Variants in PAPPA2 observed in about 807,000 individuals in gnomAD.
The protein encoded by PAPPA2 is pappalysin 2, also known as pappalysin-2.
A neutral mutation model predicts 176.4 loss-of-function variants in PAPPA2; 86 were observed. That is an observed-to-expected ratio of 0.49 (90% confidence interval 0.41 to 0.58). The LOEUF (loss-of-function observed/expected upper bound fraction) is 0.58. Ranked by LOEUF, PAPPA2 falls within the 20% of genes least tolerant of loss-of-function variation. PAPPA2 has a pLI of 0.00. For synonymous variants in PAPPA2, 809 were observed against 852.2 expected (o/e 0.95, Z 0.88); for missense variants, 2,073 against 2,256.9 (o/e 0.92, Z 1.65).
intron 22 of PAPPA2, among the ~76,000 whole-genome samples, chr1:176,840,928 T>C (rs1338202006): frequency 1.3e-5 from 2 of 152,234 alleles, no homozygotes; most frequent in Admixed American, 6.5e-5. Flanking sequence ...AAGCAAGAGA[T>C]GTTATTTCCT....
At chr1:176,639,059 T>TA (rs924961454) in intron 3 of PAPPA2, among the ~76,000 whole-genome samples, 4 of 151,450 alleles carry the variant, frequency 2.6e-5, no homozygotes, top group Non-Finnish European at 5.9e-5. Flanking sequence ...CTGACTTTTT[T>TA]AAAAAAAATA....
intron 3 of PAPPA2, among the ~76,000 whole-genome samples, chr1:176,603,207 G>A (rs770958604): frequency 6.6e-6 from 1 of 152,162 alleles, no homozygotes; most frequent in Non-Finnish European, 1.5e-5. Context: ...GCTATCCCTG[G>A]GGCCTTGGCC....
chr1:176,627,763 G>A (rs993915121), intron 3 of PAPPA2, among the ~76,000 whole-genome samples: 1 of 152,068 alleles, frequency 6.6e-6, no homozygotes, highest in Non-Finnish European at 1.5e-5. Context: ...GCTGTTTTTG[G>A]GTCAGAGCCT....
intron 21 of PAPPA2, among the ~76,000 whole-genome samples, chr1:176,837,673 A>G (rs1408573628): frequency 6.6e-6 from 1 of 152,212 alleles, no homozygotes; most frequent in Non-Finnish European, 1.5e-5. Context: ...ACGTTCACCT[A>G]TGTACACATT....
intron 20 of PAPPA2, among the ~76,000 whole-genome samples, chr1:176,798,438 G>T (rs1571343805): frequency 6.6e-6 from 1 of 152,088 alleles, no homozygotes; most frequent in Non-Finnish European, 1.5e-5. Flanking sequence ...GGGGAACTGG[G>T]GGTCCATAGT....
intron 14 of PAPPA2, among the ~76,000 whole-genome samples, chr1:176,746,664 A>T (rs1662924782): frequency 6.6e-6 from 1 of 152,230 alleles, no homozygotes; most frequent in Non-Finnish European, 1.5e-5. Context: ...ATACCTTATT[A>T]GTTTATTCAG....
chr1:176,657,420 T>G (rs945297886), intron 3 of PAPPA2, among the ~76,000 whole-genome samples: 1 of 151,966 alleles, frequency 6.6e-6, no homozygotes, highest in Non-Finnish European at 1.5e-5. Flanking sequence ...TTAGAGTTCC[T>G]TAAAGCAGAG....
intron 2 of PAPPA2, among the ~76,000 whole-genome samples, chr1:176,564,583 T>C (rs1033029748): frequency 5.3e-5 from 8 of 152,208 alleles, no homozygotes; most frequent in Admixed American, 5.2e-4. Flanking sequence ...ACAGAGAGAC[T>C]GTGGCACTAT....
chr1:176,501,430 C>T (rs924242663), intron 1 of PAPPA2, among the ~76,000 whole-genome samples: 9 of 152,056 alleles, frequency 5.9e-5, no homozygotes, highest in South Asian at 4.2e-4. Flanking sequence ...TCCCCATTTC[C>T]GTCCCTCAGG....
In PAPPA2 at chr1:176,659,655, T is replaced by G. The variant is rs561389686; in HGVS notation, c.1992-11315T>G. Among the ~76,000 whole-genome samples the G allele has an allele frequency of 2.2e-3, 338 of 152,256 alleles. 2 individuals are homozygous for G. Among genetic ancestry groups the G allele is most frequent in the African/African-American group, 7.6e-3 (318 of 41,570 alleles). ...ATTTAAAAAAGGATATACAGATACA[T>G]AAATCATTTGTATTAAGATAATCAT... On this transcript the variant is annotated intron_variant, in intron 3 of 22. Transcript: ENST00000367662.
intron 3 of PAPPA2, among the ~76,000 whole-genome samples, chr1:176,625,336 A>G (rs1040449071): frequency 2.0e-5 from 3 of 152,318 alleles, no homozygotes; most frequent in South Asian, 4.1e-4. Context: ...TTGGCAAATT[A>G]GAAAGGTGCT....
intron 1 of PAPPA2, among the ~76,000 whole-genome samples, chr1:176,554,983 G>A (rs1218835918): frequency 9.3e-6 from 1 of 107,304 alleles, no homozygotes; most frequent in African/African-American, 3.1e-5. Context: ...GTGTGTGTGT[G>A]TGTGTGTGTG....
rs546631918 is a variant in PAPPA2, at chr1:176,662,453, GT to G, written c.1992-8512del. Among the ~76,000 whole-genome samples, 8 of 151,926 alleles carry G rather than the reference GT, an allele frequency of 5.3e-5. No individual in the cohort carries two copies. The South Asian group carries it at 1.7e-3, about 32-fold the overall frequency. Reference sequence around the variant, plus strand: ...AGGCAGATTTCTAAGAGTTCAGGTTGTTTTTCTTTTCCCTTCTGTATCATTA... The same window carrying G: ...AGGCAGATTTCTAAGAGTTCAGGTTGTTTTCTTTTCCCTTCTGTATCATTA... On this transcript the variant is annotated intron_variant, in intron 3 of 22. Transcript: ENST00000367662.
chr1:176,769,425 T>A (rs1010971869), intron 15 of PAPPA2, among the ~76,000 whole-genome samples, 182 bp from the exon 16 acceptor site: 7 of 152,292 alleles, frequency 4.6e-5, no homozygotes, highest in African/African-American at 1.7e-4. Flanking sequence ...TTTATCAGCA[T>A]CATACTGAGT....
chr1:176,635,725 A>T (rs912466616), intron 3 of PAPPA2, among the ~76,000 whole-genome samples: 1 of 152,262 alleles, frequency 6.6e-6, no homozygotes, highest in Middle Eastern at 3.4e-3. Context: ...AATGAATTAA[A>T]ATAATTTACA....
At chr1:176,627,383 G>T (rs1656091785) in intron 3 of PAPPA2, among the ~76,000 whole-genome samples, 1 of 152,062 alleles carries the variant, frequency 6.6e-6, no homozygotes, top group Non-Finnish European at 1.5e-5. Flanking sequence ...CAGCTGGATG[G>T]GATAGCAAAG....
chr1:176,475,076 T>G (rs1652050744), intron 1 of PAPPA2, among the ~76,000 whole-genome samples: 1 of 152,174 alleles, frequency 6.6e-6, no homozygotes, highest in South Asian at 2.1e-4. Flanking sequence ...TGTGTGTGTG[T>G]TTTTTATATT....
intron 4 of PAPPA2, among the ~76,000 whole-genome samples, chr1:176,674,942 AT>A (rs1266620354): frequency 6.6e-6 from 1 of 151,872 alleles, no homozygotes; most frequent in Non-Finnish European, 1.5e-5. Context: ...AACATCTATT[AT>A]TTTTTGATTT....
At chr1:176,840,361 A>G in intron 22 of PAPPA2, 90 bp downstream of exon 22, 1 of 986,754 alleles carries the variant, frequency 1.0e-6, no homozygotes, top group Non-Finnish European at 1.6e-6. Flanking sequence ...GTGTGTAATA[A>G]TGGGTTTGTA....
Sources: gnomAD v4.1 joint callset for allele counts (sites outside exome capture counted in the v4.1 genomes callset) on GRCh38, gnomAD v4.1.1 for gene constraint, MANE v1.5 for transcripts, NCBI Gene and HGNC (gene_info 2026-07-23, HGNC 2026-07-21) for gene names.